The following MRLN variants were observed in gnomAD, a reference collection of about 807,000 sequenced individuals.
MRLN encodes Linc-RNA activator of myogenesis.
rs762454383 is a variant in MRLN, at chr10:59,747,098, C to A, written c.-125+6256G>T. 4.3e-4 allele frequency among the ~76,000 whole-genome samples: 66 copies of A among 152,240 alleles called. 1 individual carries two copies. The highest frequency in any genetic ancestry group is 1.8e-3 in the Admixed American group (28 of 15,286). On this transcript the variant is annotated intron_variant, in intron 1 of 2. Coordinates refer to ENST00000414264, the MANE Select transcript of MRLN (RefSeq NM_001304731.2). The stretch of plus-strand genomic sequence containing the variant: ...TACAGGCGTGAGCCACTGCTCCCAG[C>A]TAAAAGTACAGTTTTTATTATTTAT...
At chr10:59,749,643 G>A (rs1469806243) in intron 1 of MRLN, among the ~76,000 whole-genome samples, 2 of 151,780 alleles carry the variant, frequency 1.3e-5, no homozygotes, top group South Asian at 2.1e-4. Context: ...GCAGTGAACC[G>A]AGATCGTGCC....
chr10:59,741,929 C>G (rs910697715), intron 1 of MRLN, among the ~76,000 whole-genome samples: 2 of 152,180 alleles, frequency 1.3e-5, no homozygotes, highest in Admixed American at 6.5e-5. Context: ...CCTGGGAGAA[C>G]AGGAGTGCGA....
intron 1 of MRLN, among the ~76,000 whole-genome samples, chr10:59,749,956 C>A (rs1230738985): frequency 6.6e-6 from 1 of 151,636 alleles, no homozygotes; most frequent in African/African-American, 2.4e-5. Flanking sequence ...GAGGGTCCAT[C>A]TGATCACCCA....
chr10:59,741,036 G>A (rs981621777), intron 1 of MRLN, among the ~76,000 whole-genome samples: 2 of 152,138 alleles, frequency 1.3e-5, no homozygotes, highest in African/African-American at 4.8e-5. Flanking sequence ...CCCCTGAGGT[G>A]ATCCGTCTGC....
intron 1 of MRLN, among the ~76,000 whole-genome samples, chr10:59,747,724 A>G (rs896480454): frequency 1.3e-5 from 2 of 152,222 alleles, no homozygotes; most frequent in Non-Finnish European, 2.9e-5. Flanking sequence ...GCAATACGCT[A>G]TAGTCAGTGA....
intron 1 of MRLN, among the ~76,000 whole-genome samples, chr10:59,748,238 C>T (rs1017675971): frequency 6.6e-6 from 1 of 152,142 alleles, no homozygotes; most frequent in Non-Finnish European, 1.5e-5. Flanking sequence ...TTTGCCCTCA[C>T]TAAACTCAAA....
intron 1 of MRLN, among the ~76,000 whole-genome samples, chr10:59,750,444 G>A (rs1409823778): frequency 6.6e-6 from 1 of 152,162 alleles, no homozygotes; most frequent in Non-Finnish European, 1.5e-5. Context: ...TGCCTCAAAT[G>A]TTTGAAGTAA....
At chr10:59,746,580 C>T (rs540845268) in intron 1 of MRLN, among the ~76,000 whole-genome samples, 2 of 152,206 alleles carry the variant, frequency 1.3e-5, no homozygotes, top group African/African-American at 4.8e-5. Context: ...TGGCCATGCT[C>T]CTTCTTCAGT....
Position 59,740,796 on chromosome 10 carries a change from CTTTCTTTCTTT to C in MRLN, c.-124-2245_-124-2235del, listed in dbSNP as rs1270207515. 4.0e-3 allele frequency among the ~76,000 whole-genome samples: 596 copies of C among 148,868 alleles called. 4 individuals carry two copies. The highest frequency in any genetic ancestry group is 0.013 in the African/African-American group (544 of 40,318). Reference sequence around the variant, plus strand: ...CTTTGTTTTCTTTCTTTCTTTCTTTCTTTCTTTCTTTTTTTTTTGAGACAGAGTCTCTCTCT... The same window carrying C: ...CTTTGTTTTCTTTCTTTCTTTCTTTCTTTTTTTGAGACAGAGTCTCTCTCT... On this transcript the variant is annotated intron_variant, in intron 1 of 2. Transcript: ENST00000414264.
chr10:59,740,570 G>GA lies in MRLN; in HGVS notation c.-124-2009dup, dbSNP rs570561753. 4.1e-3 allele frequency among the ~76,000 whole-genome samples: 623 copies of GA among 151,216 alleles called. 7 individuals are homozygous for GA. Among genetic ancestry groups the GA allele is most frequent in the African/African-American group, 0.014 (567 of 41,210 alleles). On this transcript the variant is annotated intron_variant, in intron 1 of 2. Transcript: ENST00000414264. Reference sequence around the variant, plus strand: ...TAATGTGTGTGTTTGTGTCTTATAAGAAAAAAAATTAAAAATTTTGATAGA... The same window carrying GA: ...TAATGTGTGTGTTTGTGTCTTATAAGAAAAAAAAATTAAAAATTTTGATAGA...
chr10:59,752,080 G>C (rs1444692858), intron 1 of MRLN, among the ~76,000 whole-genome samples: 1 of 152,200 alleles, frequency 6.6e-6, no homozygotes, highest in Non-Finnish European at 1.5e-5. Flanking sequence ...CATCATCGCT[G>C]ATCTTAGCTG....
intron 1 of MRLN, among the ~76,000 whole-genome samples, chr10:59,751,669 CAAAA>C (rs10652105): frequency 3.6e-5 from 3 of 82,438 alleles, no homozygotes; most frequent in African/African-American, 1.6e-4. Flanking sequence ...GACTCTGTCT[CAAAA>C]AAAAAAAAAA....
intron 1 of MRLN, chr10:59,744,747 CA>C (rs1271888996): frequency 6.4e-6 from 1 of 157,444 alleles, no homozygotes; most frequent in Non-Finnish European, 1.4e-5. Context: ...TAGGAGACTC[CA>C]TTGTGTTCTG....
chr10:59,738,077 A>G (rs1840942729), intron 2 of MRLN: 1 of 152,180 alleles, frequency 6.6e-6, no homozygotes, highest in Non-Finnish European at 1.5e-5. Flanking sequence ...AGAAATGAGT[A>G]CTCTGCCAGT....
chr10:59,739,407 A>T (rs1819798550), intron 1 of MRLN: 1 of 152,230 alleles, frequency 6.6e-6, no homozygotes, highest in Non-Finnish European at 1.5e-5. Context: ...TAAACTACAC[A>T]TATCCTCCCA....
At chr10:59,739,131 A>AAAAAG (rs1252639264) in intron 1 of MRLN, 1 of 151,668 alleles carries the variant, frequency 6.6e-6, no homozygotes, top group Non-Finnish European at 1.5e-5. Flanking sequence ...TCAAAAAAAA[A>AAAAAG]AAAAGAAAAG....
chr10:59,747,611 C>T (rs1841055260), intron 1 of MRLN, among the ~76,000 whole-genome samples: 1 of 152,228 alleles, frequency 6.6e-6, no homozygotes, highest in African/African-American at 2.4e-5. Flanking sequence ...GAGATTCAAT[C>T]TCACCTCCTC....
intron 1 of MRLN, among the ~76,000 whole-genome samples, chr10:59,752,077 G>A (rs768356543): frequency 2.6e-5 from 4 of 152,242 alleles, no homozygotes; most frequent in East Asian, 1.9e-4. Flanking sequence ...TCTCATCATC[G>A]CTGATCTTAG....
intron 1 of MRLN, among the ~76,000 whole-genome samples, chr10:59,745,889 TC>T (rs1295835858): frequency 6.6e-6 from 1 of 151,854 alleles, no homozygotes; most frequent in African/African-American, 2.4e-5. Flanking sequence ...AATGGCTTGG[TC>T]CCCTGGCAAA....
Sources: allele counts gnomAD v4.1 joint callset (sites outside exome capture counted in the v4.1 genomes callset), GRCh38; gene constraint gnomAD v4.1.1; transcripts MANE v1.5; gene names NCBI Gene and HGNC (gene_info 2026-07-23, HGNC 2026-07-21).